Variants in ADAMTSL1 observed in about 807,000 individuals in gnomAD.
ADAMTSL1 encodes ADAMTS-like protein 1.
Under a neutral mutation model 201.8 loss-of-function variants are expected in ADAMTSL1, and 126 were observed. The ratio of observed to expected loss-of-function variants is 0.62; its 90% CI spans 0.54 to 0.72. The LOEUF is 0.72. Among genes scored for constraint, ADAMTSL1 ranks in the 30% least tolerant of loss-of-function variants. The pLI is 0.00. For missense variants in ADAMTSL1, 2,679 were observed against 2,277.8 expected, an observed-to-expected ratio of 1.18 and a Z score of -3.59; for synonymous variants, 1,121 against 903.4, an observed-to-expected ratio of 1.24 and a Z score of -4.32.
At chr9:18,906,010 T>C (rs1335203097) in intron 27 of ADAMTSL1, 119 bp downstream of exon 27, 5 of 884,336 alleles carry the variant, frequency 5.7e-6, no homozygotes. Context: ...TGCCTGGGAC[T>C]CCATCTCCAT....
chr9:18,608,687 A>G (rs912723958), intron 4 of ADAMTSL1, among the ~76,000 whole-genome samples: 3 of 152,164 alleles, frequency 2.0e-5, no homozygotes, highest in African/African-American at 7.2e-5. Flanking sequence ...CTTCCAACTC[A>G]GTCCCATCAC....
chr9:18,638,547 A>G (rs1827245258), intron 6 of ADAMTSL1, among the ~76,000 whole-genome samples: 1 of 152,092 alleles, frequency 6.6e-6, no homozygotes, highest in Non-Finnish European at 1.5e-5. Context: ...ATTTTCTACA[A>G]CAAAACATGC....
At chr9:18,050,062 A>G (rs550807404) in intron 1 of ADAMTSL1, among the ~76,000 whole-genome samples, 4 of 152,350 alleles carry the variant, frequency 2.6e-5, no homozygotes, top group African/African-American at 9.6e-5. Context: ...AGAAAGTTTA[A>G]TGACTTTAGT....
At chr9:18,484,794 G>C (rs913361852) in intron 1 of ADAMTSL1, among the ~76,000 whole-genome samples, 5 of 152,128 alleles carry the variant, frequency 3.3e-5, no homozygotes, top group African/African-American at 1.2e-4. Context: ...GCCCATTTGA[G>C]AGTTCTAGAT....
intron 12 of ADAMTSL1, among the ~76,000 whole-genome samples, 153 bp from the exon 13 acceptor site, chr9:18,684,563 A>G (rs898304310): frequency 3.3e-5 from 5 of 152,352 alleles, no homozygotes; most frequent in African/African-American, 9.6e-5. Context: ...TTATTTTTCT[A>G]GATATAACCA....
At chr9:18,711,987 A>G (rs1406075122) in intron 14 of ADAMTSL1, among the ~76,000 whole-genome samples, 75 of 151,110 alleles carry the variant, frequency 5.0e-4, no homozygotes, top group Non-Finnish European at 7.1e-4. Context: ...GCAGGGGCAG[A>G]CTGACACCTC....
chr9:18,573,615 A>G lies in ADAMTSL1; in HGVS notation c.238-415A>G, dbSNP rs180743848. Among the ~76,000 whole-genome samples the G allele has an allele frequency of 1.1e-4, 16 of 152,338 alleles. No individual in the cohort carries two copies. The East Asian group carries it at 3.1e-3, about 29-fold the overall frequency. ...AGTTATTCAAATAAACAATTGTCAT[A>G]GCTCTCAATATCAGAACTGAAAGAG... On this transcript the variant is annotated intron_variant, in intron 3 of 28. Transcript: ENST00000380548.
At chr9:18,243,064 A>G (rs1035017039) in intron 2 of ADAMTSL1, among the ~76,000 whole-genome samples, 1 of 152,140 alleles carries the variant, frequency 6.6e-6, no homozygotes, top group Non-Finnish European at 1.5e-5. Context: ...AAGACATTAC[A>G]CTTTCTGATT....
At chr9:18,864,520 A>G (rs1563869516) in intron 23 of ADAMTSL1, among the ~76,000 whole-genome samples, 1 of 152,172 alleles carries the variant, frequency 6.6e-6, no homozygotes, top group Admixed American at 6.5e-5. Context: ...TGACCCTTGT[A>G]TTGTGAATTC....
intron 22 of ADAMTSL1, 124 bp from the exon 23 acceptor site, chr9:18,829,719 C>T: frequency 7.6e-7 from 1 of 1,310,912 alleles, no homozygotes. Flanking sequence ...TAAAAGGCAA[C>T]AATAGTAATG....
chr9:18,448,397 G>C (rs368789861), intron 2 of ADAMTSL1, among the ~76,000 whole-genome samples: 2 of 152,072 alleles, frequency 1.3e-5, no homozygotes, highest in East Asian at 3.9e-4. Flanking sequence ...AATGAGATCA[G>C]GGCCAAATGT....
intron 1 of ADAMTSL1, 45 bp from the exon 2 acceptor site, chr9:18,504,784 G>A (rs959599350): frequency 6.2e-7 from 1 of 1,614,020 alleles, no homozygotes. Flanking sequence ...ATGTTTCAGG[G>A]TTCCATGGGG....
At chr9:18,560,945 A>G (rs1821453110) in intron 3 of ADAMTSL1, among the ~76,000 whole-genome samples, 1 of 151,352 alleles carries the variant, frequency 6.6e-6, no homozygotes, top group African/African-American at 2.4e-5. Context: ...ATCTTTAAAA[A>G]AAAAAAACAG....
chr9:18,710,450 G>C (rs1832496135), intron 14 of ADAMTSL1, among the ~76,000 whole-genome samples: 1 of 152,140 alleles, frequency 6.6e-6, no homozygotes. Flanking sequence ...CCTTGTTTTA[G>C]AATACTTCAG....
At chr9:18,817,701 A>C (rs1235854986) in intron 21 of ADAMTSL1, among the ~76,000 whole-genome samples, 1 of 152,208 alleles carries the variant, frequency 6.6e-6, no homozygotes, top group East Asian at 1.9e-4. Context: ...CATTGAAGAA[A>C]ATGGATTGAG....
At chr9:18,400,261 C>T (rs535218093) in intron 2 of ADAMTSL1, among the ~76,000 whole-genome samples, 47 of 152,248 alleles carry the variant, frequency 3.1e-4, no homozygotes, top group African/African-American at 1.1e-3. Flanking sequence ...ACCATATACT[C>T]TGATCACCCT....
chr9:18,805,673 TCCTGCC>T (rs1377914944), intron 20 of ADAMTSL1, among the ~76,000 whole-genome samples: 3 of 152,182 alleles, frequency 2.0e-5, no homozygotes, highest in African/African-American at 4.8e-5. Flanking sequence ...CAGCCCTTTC[TCCTGCC>T]CCTGCCCCTG....
chr9:18,185,134 G>A (rs1382954969), intron 2 of ADAMTSL1, among the ~76,000 whole-genome samples: 1 of 152,068 alleles, frequency 6.6e-6, no homozygotes, highest in African/African-American at 2.4e-5. Flanking sequence ...TTTATAGCCT[G>A]GTGTTCATAA....
At chr9:18,430,118 C>T (rs2133398711) in intron 2 of ADAMTSL1, among the ~76,000 whole-genome samples, 1 of 152,218 alleles carries the variant, frequency 6.6e-6, no homozygotes, top group Admixed American at 6.5e-5. Context: ...AACAGGACTT[C>T]TTAAAATTTT....
Sources: gnomAD v4.1 joint callset for allele counts (sites outside exome capture counted in the v4.1 genomes callset) on GRCh38, gnomAD v4.1.1 for gene constraint, MANE v1.5 for transcripts, NCBI Gene and HGNC (gene_info 2026-07-23, HGNC 2026-07-21) for gene names.